The following TCF7L1 variants were observed in gnomAD, a reference collection of about 807,000 sequenced individuals.
TCF7L1 encodes the protein transcription factor 7 like 1, also known as transcription factor 7-like 1.
Under a neutral mutation model 63.7 loss-of-function variants are expected in TCF7L1, and 18 were observed. The ratio of observed to expected loss-of-function variants is 0.28; its 90% CI spans 0.20 to 0.42. The LOEUF (loss-of-function observed/expected upper bound fraction) is 0.42, where lower values mean the gene tolerates loss of function less well. Ranked by LOEUF, TCF7L1 falls within the 10% of genes least tolerant of loss-of-function variation. The probability of loss-of-function intolerance (pLI) is 1.00; values close to 1 mark genes in which losing one functional copy is unlikely to be tolerated. For synonymous variants in TCF7L1, 355 were observed against 340.9 expected (o/e 1.04, Z -0.46); for missense variants, 654 against 779.3 (o/e 0.84, Z 1.91).
intron 10 of TCF7L1, 143 bp from the exon 11 acceptor site, chr2:85,307,499 G>A (rs1682146043): frequency 3.1e-6 from 2 of 654,670 alleles, no homozygotes; most frequent in South Asian, 1.9e-5. Flanking sequence ...CCACGGCTGT[G>A]ATCTGAATTA....
chr2:85,288,135 T>C (rs1681606648), intron 4 of TCF7L1, among the ~76,000 whole-genome samples: 1 of 152,116 alleles, frequency 6.6e-6, no homozygotes, highest in Admixed American at 6.5e-5. Flanking sequence ...GAAAATACTG[T>C]TTAATTAGCA....
intron 3 of TCF7L1, among the ~76,000 whole-genome samples, chr2:85,235,503 G>C (rs923084946): frequency 6.6e-6 from 1 of 151,892 alleles, no homozygotes; most frequent in Non-Finnish European, 1.5e-5. Context: ...CACCCCCTAG[G>C]CTCAGGGCTG....
At chr2:85,155,477 G>A (rs995709320) in intron 3 of TCF7L1, among the ~76,000 whole-genome samples, 6 of 152,174 alleles carry the variant, frequency 3.9e-5, no homozygotes, top group Admixed American at 1.3e-4. Flanking sequence ...CTTGAAGTCA[G>A]CGAGACCATG....
chr2:85,260,988 G>A (rs905505829), intron 3 of TCF7L1, among the ~76,000 whole-genome samples: 63 of 152,068 alleles, frequency 4.1e-4, no homozygotes, highest in African/African-American at 1.4e-3. Context: ...CCTTGCACAC[G>A]TCCTGTGAGA....
rs775984491 is a variant in TCF7L1 at position 85,148,771 on chromosome 2, A to ATTTT, written c.441+14338_441+14341dup. ...AGTGGATCTTTTCTTACAGTATTTAATTTTTTTTTTTTTTTTTTTTGAGAC... is the reference window on the plus strand; with the variant it reads ...AGTGGATCTTTTCTTACAGTATTTAATTTTTTTTTTTTTTTTTTTTTTTTGAGAC... On this transcript the variant is annotated intron_variant, in intron 3 of 11. Transcript: ENST00000282111. Among the ~76,000 whole-genome samples the ATTTT allele has an allele frequency of 2.8e-4, 35 of 125,012 alleles. 1 individual carries two copies. The highest frequency in any genetic ancestry group is 7.0e-4 in the East Asian group (3 of 4,308). 82.0% of individuals were successfully genotyped at this position (125,012 alleles called of 152,430 possible).
intron 3 of TCF7L1, among the ~76,000 whole-genome samples, chr2:85,147,079 A>G (rs1305473672): frequency 1.3e-5 from 2 of 152,198 alleles, no homozygotes; most frequent in African/African-American, 2.4e-5. Flanking sequence ...TACACGGGCA[A>G]TCAATCTATT....
chr2:85,274,437 A>C (rs1681226285), intron 3 of TCF7L1, among the ~76,000 whole-genome samples: 1 of 152,190 alleles, frequency 6.6e-6, no homozygotes, highest in African/African-American at 2.4e-5. Context: ...GTCGGGGGAC[A>C]TACCTAGCCA....
chr2:85,184,461 G>T (rs17026000), intron 3 of TCF7L1, among the ~76,000 whole-genome samples: 1 of 151,960 alleles, frequency 6.6e-6, no homozygotes, highest in South Asian at 2.1e-4. Context: ...GAGAATGAGC[G>T]GACAAGGAGC....
intron 3 of TCF7L1, among the ~76,000 whole-genome samples, chr2:85,254,190 GC>G (rs1366964985): frequency 6.6e-6 from 1 of 152,258 alleles, no homozygotes; most frequent in Non-Finnish European, 1.5e-5. Context: ...CAAACCATCG[GC>G]CCCGCTCAAA....
chr2:85,304,132 A>C, intron 6 of TCF7L1, 123 bp from the exon 7 acceptor site: 1 of 1,231,990 alleles, frequency 8.1e-7, no homozygotes, highest in East Asian at 2.4e-5. Flanking sequence ...CCGCCCAGGC[A>C]GCGTGCTCCC....
intron 3 of TCF7L1, chr2:85,167,170 C>A (rs1678438577): frequency 6.6e-6 from 1 of 152,340 alleles, no homozygotes; most frequent in Non-Finnish European, 1.5e-5. Context: ...AGAGATAACG[C>A]CTACTCTACA....
intron 3 of TCF7L1, among the ~76,000 whole-genome samples, chr2:85,136,108 A>G (rs1407684754): frequency 1.3e-5 from 2 of 152,072 alleles, no homozygotes; most frequent in Non-Finnish European, 2.9e-5. Flanking sequence ...GGATATCTAG[A>G]GAGAGGGGTC....
chr2:85,160,621 G>A (rs981486060), intron 3 of TCF7L1, among the ~76,000 whole-genome samples: 15 of 152,138 alleles, frequency 9.9e-5, no homozygotes, highest in Admixed American at 9.8e-4. Flanking sequence ...GGAGGCCGAG[G>A]TGGGAGGCTC....
chr2:85,233,686 A>C (rs878944510), intron 3 of TCF7L1: 1 of 152,190 alleles, frequency 6.6e-6, no homozygotes, highest in Admixed American at 6.5e-5. Flanking sequence ...CAATCATGAT[A>C]TAGAACAATT....
chr2:85,224,832 T>A (rs1679922349), intron 3 of TCF7L1, among the ~76,000 whole-genome samples: 1 of 152,230 alleles, frequency 6.6e-6, no homozygotes, highest in Non-Finnish European at 1.5e-5. Context: ...GCTTTTGGTG[T>A]TTTAGTCATG....
At chr2:85,136,493 T>G (rs1023712281) in intron 3 of TCF7L1, among the ~76,000 whole-genome samples, 2 of 152,208 alleles carry the variant, frequency 1.3e-5, no homozygotes, top group Non-Finnish European at 2.9e-5. Flanking sequence ...CATGCCTCTC[T>G]GACTGTCCTT....
chr2:85,218,782 T>G (rs1173797183), intron 3 of TCF7L1, among the ~76,000 whole-genome samples: 2 of 152,144 alleles, frequency 1.3e-5, no homozygotes, highest in Admixed American at 1.3e-4. Context: ...ATCTGCAGAT[T>G]AAGTGGCAGC....
At chr2:85,278,557 G>A (rs1342429685) in intron 3 of TCF7L1, among the ~76,000 whole-genome samples, 1 of 152,160 alleles carries the variant, frequency 6.6e-6, no homozygotes, top group Non-Finnish European at 1.5e-5. Context: ...AGTCAAATAA[G>A]AGAAACCACA....
chr2:85,248,128 G>T (rs1021299694), intron 3 of TCF7L1, among the ~76,000 whole-genome samples: 1 of 152,134 alleles, frequency 6.6e-6, no homozygotes, highest in Non-Finnish European at 1.5e-5. Context: ...TAAATCTTTA[G>T]GCTTTACTGG....
Sources: gnomAD v4.1 joint callset for allele counts (sites outside exome capture counted in the v4.1 genomes callset) on GRCh38, gnomAD v4.1.1 for gene constraint, MANE v1.5 for transcripts, NCBI Gene and HGNC (gene_info 2026-07-23, HGNC 2026-07-21) for gene names.